NEBL: variants seen among roughly 807,000 people sequenced by gnomAD.
NEBL encodes the protein LIM and SH3 protein 2.
Under a neutral mutation model 140.2 loss-of-function variants are expected in NEBL, and 122 were observed. The observed-to-expected ratio is 0.87, with a 90% confidence interval of 0.75 to 1.01. The LOEUF (loss-of-function observed/expected upper bound fraction) is 1.01. Among genes scored for constraint, NEBL ranks in the 50% least tolerant of loss-of-function variants. The probability of loss-of-function intolerance (pLI) is 0.00; values close to 1 mark genes in which losing one functional copy is unlikely to be tolerated. For missense variants in NEBL, 1,365 were observed against 1,231.3 expected (o/e 1.11, Z -1.62); for synonymous variants, 436 against 398.9 (o/e 1.09, Z -1.11).
At chr10:20,788,665 G>A (rs913424109) in intron 26 of NEBL, among the ~76,000 whole-genome samples, 27 of 152,108 alleles carry the variant, frequency 1.8e-4, no homozygotes, top group Admixed American at 4.6e-4. Flanking sequence ...ATCTCCACTT[G>A]AATTATAGTA....
intron 2 of NEBL, among the ~76,000 whole-genome samples, chr10:21,104,171 A>G (rs1344353074): frequency 6.6e-6 from 1 of 152,204 alleles, no homozygotes; most frequent in African/African-American, 2.4e-5. Context: ...AGAGCTGTAT[A>G]ATAAGGTTTA....
chr10:20,999,162 G>GGA (rs1439534284), intron 3 of NEBL, among the ~76,000 whole-genome samples: 66 of 136,200 alleles, frequency 4.8e-4, no homozygotes, highest in African/African-American at 1.7e-3. Flanking sequence ...TGTGTGGGGG[G>GGA]AAAAAAAAAA....
intron 1 of NEBL, among the ~76,000 whole-genome samples, chr10:21,267,800 C>G (rs1350744947): frequency 6.6e-6 from 1 of 152,138 alleles, no homozygotes; most frequent in Non-Finnish European, 1.5e-5. Context: ...GTTGTACTGG[C>G]CACACTTCAA....
At chr10:21,125,250 A>AGC (rs56882453) in intron 2 of NEBL, among the ~76,000 whole-genome samples, 1 of 151,872 alleles carries the variant, frequency 6.6e-6, no homozygotes, top group African/African-American at 2.4e-5. Flanking sequence ...ACACACACAC[A>AGC]GCCACTGTGC....
At chr10:21,272,118 A>ATTTTTTTT (rs10678454) in intron 1 of NEBL, among the ~76,000 whole-genome samples, 1,778 of 79,056 alleles carry the variant, frequency 0.022, 137 homozygotes, top group African/African-American at 0.06. Flanking sequence ...CACTTGGTTA[A>ATTTTTTTT]TTTTTTTTTT....
chr10:21,126,905 G>A (rs910501191), intron 2 of NEBL, among the ~76,000 whole-genome samples: 2 of 150,926 alleles, frequency 1.3e-5, no homozygotes, highest in East Asian at 1.9e-4. Flanking sequence ...AACCCAGGGC[G>A]GGGAAGTTCT....
chr10:20,932,372 G>A (rs11012400), intron 4 of NEBL, among the ~76,000 whole-genome samples: 11,567 of 151,498 alleles, frequency 0.076, 711 homozygotes, highest in East Asian at 0.2. Context: ...TAAACAATGA[G>A]AACACATGGA....
chr10:21,037,731 G>A (rs1834074282), intron 2 of NEBL, among the ~76,000 whole-genome samples: 1 of 151,858 alleles, frequency 6.6e-6, no homozygotes, highest in South Asian at 2.1e-4. Flanking sequence ...TGTGATTGTT[G>A]AAATAAAATA....
At chr10:20,882,207 G>A (rs978786721) in intron 4 of NEBL, among the ~76,000 whole-genome samples, 3 of 141,270 alleles carry the variant, frequency 2.1e-5, no homozygotes, top group African/African-American at 7.9e-5. Context: ...AAAGAAAGAA[G>A]GAAGTAAAGA....
intron 2 of NEBL, chr10:21,172,337 G>A (rs760177395): frequency 2.3e-5 from 34 of 1,473,680 alleles, no homozygotes; most frequent in Non-Finnish European, 2.9e-5. Flanking sequence ...TGGCTCTCAA[G>A]CTCTGAGGCT....
chr10:21,026,728 C>T (rs534194258), intron 2 of NEBL, among the ~76,000 whole-genome samples: 1 of 152,284 alleles, frequency 6.6e-6, no homozygotes, highest in Admixed American at 6.5e-5. Context: ...AATGAGTTAA[C>T]ATGGCAGGGC....
chr10:20,831,065 T>C, intron 16 of NEBL, 131 bp downstream of exon 16: 1 of 741,376 alleles, frequency 1.3e-6, no homozygotes. Context: ...TGGCCAATGG[T>C]TTCTTAGTGA....
At chr10:21,102,030 A>C (rs985140893) in intron 2 of NEBL, among the ~76,000 whole-genome samples, 8 of 152,252 alleles carry the variant, frequency 5.3e-5, no homozygotes, top group African/African-American at 1.9e-4. Context: ...AAAATGTAGC[A>C]TTCCGTTAAG....
At chr10:20,905,124 T>A (rs1387224590) in intron 4 of NEBL, among the ~76,000 whole-genome samples, 1 of 152,186 alleles carries the variant, frequency 6.6e-6, no homozygotes, top group African/African-American at 2.4e-5. Context: ...TTGTAGAGCA[T>A]ATTGCAAACA....
intron 3 of NEBL, among the ~76,000 whole-genome samples, chr10:21,205,279 T>G (rs1210312796): frequency 1.3e-5 from 2 of 152,210 alleles, no homozygotes; most frequent in African/African-American, 4.8e-5. Flanking sequence ...TTGTTTACCA[T>G]GTAGTCCAGC....
intron 4 of NEBL, among the ~76,000 whole-genome samples, chr10:20,912,129 TA>T (rs1233424858): frequency 6.6e-6 from 1 of 152,248 alleles, no homozygotes; most frequent in Non-Finnish European, 1.5e-5. Flanking sequence ...AATGTAAATG[TA>T]AAAACATGAA....
At chr10:20,938,570 C>T (rs1035838129) in intron 4 of NEBL, among the ~76,000 whole-genome samples, 6 of 152,278 alleles carry the variant, frequency 3.9e-5, no homozygotes, top group African/African-American at 9.6e-5. Flanking sequence ...TCACCAACAA[C>T]GGAACAAAGC....
intron 2 of NEBL, among the ~76,000 whole-genome samples, chr10:21,144,333 C>T (rs1030671540): frequency 3.3e-5 from 5 of 152,252 alleles, no homozygotes; most frequent in African/African-American, 1.2e-4. Flanking sequence ...AACCCAGTGG[C>T]TTCCCTGGTA....
chr10:21,041,963 G>A (rs1435117369), intron 2 of NEBL, among the ~76,000 whole-genome samples: 3 of 152,182 alleles, frequency 2.0e-5, no homozygotes, highest in South Asian at 2.1e-4. Context: ...TGAGCAGCGA[G>A]GATGACCAGA....
Sources: gnomAD v4.1 joint callset for allele counts (sites outside exome capture counted in the v4.1 genomes callset) on GRCh38, gnomAD v4.1.1 for gene constraint, MANE v1.5 for transcripts, NCBI Gene and HGNC (gene_info 2026-07-23, HGNC 2026-07-21) for gene names.